The following FANCC variants were observed in gnomAD, a reference collection of about 807,000 sequenced individuals.
The protein encoded by FANCC is FA complementation group C, also known as Fanconi anemia group C protein.
In FANCC, 55 loss-of-function variants were observed where a neutral mutation model predicts 71.3. The observed-to-expected ratio is 0.77, with a 90% CI of 0.62 to 0.97. The LOEUF (loss-of-function observed/expected upper bound fraction) is 0.97. FANCC is among the 50% of genes least tolerant of loss of function. The pLI, the probability that FANCC is intolerant of heterozygous loss-of-function variation, is 0.00. For missense variants in FANCC, 678 were observed against 670.9 expected (o/e 1.01, Z -0.12); for synonymous variants, 275 against 244.9 (o/e 1.12, Z -1.15).
Position 95,135,517 on chromosome 9 carries a change from T to C in FANCC, c.687-15A>G, listed in dbSNP as rs765327075. The C allele has an allele frequency of 3.7e-6, 6 of 1,612,420 alleles. No individual in the cohort carries two copies. Among genetic ancestry groups the C allele is most frequent in the African/African-American group, 2.7e-5 (2 of 74,942 alleles). On this transcript the variant is annotated splice_polypyrimidine_tract_variant and intron_variant, in intron 7 of 14. Coordinates refer to ENST00000289081, the MANE Select transcript of FANCC (RefSeq NM_000136.3). ...AAATCTTCTTCCTTTCAGAAAGAAA[T>C]AAACAAAATTTTAAACAGAAATGGC...
At chr9:95,223,044 A>G (rs1419025712) in intron 4 of FANCC, among the ~76,000 whole-genome samples, 1 of 152,218 alleles carries the variant, frequency 6.6e-6, no homozygotes, top group Non-Finnish European at 1.5e-5. Flanking sequence ...TTCACATATA[A>G]AGATCATTTC....
intron 4 of FANCC, among the ~76,000 whole-genome samples, chr9:95,239,393 T>A (rs1830507812): frequency 6.6e-6 from 1 of 152,216 alleles, no homozygotes; most frequent in African/African-American, 2.4e-5. Flanking sequence ...AGGCTAGAAA[T>A]TTTTAAACAG....
intron 4 of FANCC, among the ~76,000 whole-genome samples, chr9:95,206,698 CAT>C (rs1828142844): frequency 1.3e-5 from 2 of 152,126 alleles, no homozygotes; most frequent in African/African-American, 4.8e-5. Context: ...ACAGGTTAAA[CAT>C]GCACCAAGGG....
chr9:95,226,291 A>G (rs908998603), intron 4 of FANCC, among the ~76,000 whole-genome samples: 5 of 152,224 alleles, frequency 3.3e-5, no homozygotes, highest in Non-Finnish European at 5.9e-5. Flanking sequence ...AATTTTCCAC[A>G]ATTTCTCTTT....
At chr9:95,213,716 G>GAT (rs1255664768) in intron 4 of FANCC, among the ~76,000 whole-genome samples, 1 of 152,174 alleles carries the variant, frequency 6.6e-6, no homozygotes, top group Non-Finnish European at 1.5e-5. Context: ...TAGAAGAAAA[G>GAT]ATAGGGCAAA....
chr9:95,102,697 G>C (rs1461204226), intron 14 of FANCC, among the ~76,000 whole-genome samples: 2 of 152,320 alleles, frequency 1.3e-5, no homozygotes, highest in East Asian at 3.9e-4. Context: ...GGACTATTCT[G>C]GTTTTACTGC....
At chr9:95,155,764 C>A (rs916709919) in intron 6 of FANCC, among the ~76,000 whole-genome samples, 1 of 152,162 alleles carries the variant, frequency 6.6e-6, no homozygotes, top group Non-Finnish European at 1.5e-5. Flanking sequence ...GTCACCCAGG[C>A]TAGAGTGCAG....
At chr9:95,293,915 A>G in intron 1 of FANCC, 1 of 1,595,076 alleles carries the variant, frequency 6.3e-7, no homozygotes, top group Middle Eastern at 1.7e-4. Context: ...TCATCATATA[A>G]TGTTGCTACA....
chr9:95,252,239 T>C (rs1353396095), intron 1 of FANCC, among the ~76,000 whole-genome samples: 1 of 123,428 alleles, frequency 8.1e-6, no homozygotes, highest in East Asian at 2.6e-4. Context: ...ACCGCACCAT[T>C]GCACTGCAGC....
Position 95,187,255 on chromosome 9 carries a change from G to T in FANCC, c.346-15108C>A, listed in dbSNP as rs991917829. Among the ~76,000 whole-genome samples, 8 of 152,252 alleles carry T rather than the reference G, an allele frequency of 5.3e-5. No homozygotes were observed. In the East Asian group the frequency reaches 1.5e-3, roughly 29 times the overall value. ...GCTGCTGTATCTGAAGTCGCAGTTC[G>T]GATGAGCATGGAGTATAATCTGAGA... On this transcript the variant is annotated intron_variant, in intron 4 of 14. Transcript: ENST00000289081.
intron 10 of FANCC, among the ~76,000 whole-genome samples, chr9:95,122,346 G>A (rs1303893864): frequency 6.6e-6 from 1 of 152,176 alleles, no homozygotes; most frequent in Non-Finnish European, 1.5e-5. Flanking sequence ...GTTTTGATTA[G>A]CTAAAAATGG....
chr9:95,293,030 CTG>C (rs1834150710), intron 1 of FANCC: 2 of 1,591,268 alleles, frequency 1.3e-6, no homozygotes, highest in Non-Finnish European at 1.7e-6. Context: ...AAATGGAAAA[CTG>C]TGCAAAACCA....
At chr9:95,301,375 T>G (rs1252295898) in intron 1 of FANCC, among the ~76,000 whole-genome samples, 1 of 152,182 alleles carries the variant, frequency 6.6e-6, no homozygotes, top group Non-Finnish European at 1.5e-5. Flanking sequence ...ACAGGAAGTC[T>G]TCAAAAATAA....
At chr9:95,227,235 C>CAAAA (rs543613218) in intron 4 of FANCC, among the ~76,000 whole-genome samples, 155 of 152,234 alleles carry the variant, frequency 1.0e-3, no homozygotes, top group African/African-American at 3.7e-3. Flanking sequence ...GGTCCTTTTT[C>CAAAA]CTTTGTCTTT....
At chr9:95,242,671 G>A (rs892676727) in intron 3 of FANCC, among the ~76,000 whole-genome samples, 1 of 151,924 alleles carries the variant, frequency 6.6e-6, no homozygotes, top group African/African-American at 2.4e-5. Flanking sequence ...AAAAGAGAAG[G>A]AGCCAGAGAA....
Position 95,132,925 on chromosome 9 carries a change from A to T in FANCC, c.843+2421T>A, listed in dbSNP as rs188054710. On this transcript the variant is annotated intron_variant, in intron 8 of 14. Coordinates refer to ENST00000289081, the MANE Select transcript of FANCC (RefSeq NM_000136.3). ...GTCCCAAGAGAGAGAAATATAATTA[A>T]CAGTGCTCTATATAAAACACAAGTT... Among the ~76,000 whole-genome samples the T allele has an allele frequency of 8.5e-5, 13 of 152,350 alleles. No homozygotes were observed. In the East Asian group the frequency reaches 2.1e-3, roughly 25 times the overall value.
At chr9:95,278,341 A>C (rs1833167431) in intron 1 of FANCC, among the ~76,000 whole-genome samples, 1 of 152,246 alleles carries the variant, frequency 6.6e-6, no homozygotes. Context: ...CAGTCAGTAG[A>C]AGCCATACTC....
intron 1 of FANCC, among the ~76,000 whole-genome samples, chr9:95,312,283 T>C (rs1835453738): frequency 6.6e-6 from 1 of 152,216 alleles, no homozygotes; most frequent in Non-Finnish European, 1.5e-5. Flanking sequence ...AGGTGATAAA[T>C]CAGTCTGGGT....
At chr9:95,190,312 G>A (rs1827008699) in intron 4 of FANCC, among the ~76,000 whole-genome samples, 1 of 152,010 alleles carries the variant, frequency 6.6e-6, no homozygotes, top group African/African-American at 2.4e-5. Context: ...GTCATTGCTG[G>A]ATTTCTCATG....
Sources: allele counts gnomAD v4.1 joint callset (sites outside exome capture counted in the v4.1 genomes callset), GRCh38; gene constraint gnomAD v4.1.1; transcripts MANE v1.5; gene names NCBI Gene and HGNC (gene_info 2026-07-23, HGNC 2026-07-21).